YWHAQ: variants seen among roughly 807,000 people sequenced by gnomAD.
YWHAQ encodes 14-3-3 protein theta.
YWHAQ carries 6 observed loss-of-function variants against 28.3 expected under a neutral mutation model. The ratio of observed to expected loss-of-function variants is 0.21; its 90% CI spans 0.12 to 0.42. YWHAQ has a LOEUF of 0.42. Ranked by LOEUF, YWHAQ falls within the 10% of genes least tolerant of loss-of-function variation. The probability of loss-of-function intolerance (pLI) is 1.00; values close to 1 mark genes in which losing one functional copy is unlikely to be tolerated. For synonymous variants in YWHAQ, 143 were observed against 119.1 expected (o/e 1.20, Z -1.31); for missense variants, 201 against 305.6 (o/e 0.66, Z 2.55).
rs375565505 is a variant in YWHAQ, at chr2:9,600,710, AAAAAG to A, written c.295-9200_295-9196del. On this transcript the variant is annotated intron_variant, in intron 2 of 5. Coordinates refer to ENST00000238081, the MANE Select transcript of YWHAQ (RefSeq NM_006826.4). ...ACAAGAGCGAAACTCTGTCTCAAAA[AAAAAG>A]AAAAAAGAAAAAAGAAAAATCTTTT... Among the ~76,000 whole-genome samples the A allele has an allele frequency of 1.5e-3, 229 of 152,034 alleles. 1 individual carries two copies. Among genetic ancestry groups the A allele is most frequent in the African/African-American group, 5.4e-3 (222 of 41,336 alleles).
intron 2 of YWHAQ, among the ~76,000 whole-genome samples, chr2:9,606,421 A>G (rs1423506563): frequency 1.3e-5 from 2 of 152,158 alleles, no homozygotes; most frequent in Non-Finnish European, 1.5e-5. Flanking sequence ...AAATAAAAAT[A>G]AAAATAAAAA....
intron 2 of YWHAQ, among the ~76,000 whole-genome samples, chr2:9,622,266 A>G (rs1156240954): frequency 6.6e-6 from 1 of 151,180 alleles, no homozygotes; most frequent in East Asian, 1.9e-4. Flanking sequence ...ATTATTCCTG[A>G]TTTTTTTTCC....
intron 2 of YWHAQ, among the ~76,000 whole-genome samples, chr2:9,622,925 G>A (rs1479205205): frequency 6.6e-6 from 1 of 152,168 alleles, no homozygotes; most frequent in African/African-American, 2.4e-5. Context: ...CTGATATCCA[G>A]AAAGTCAGTG....
chr2:9,606,395 G>A (rs368466745), intron 2 of YWHAQ, among the ~76,000 whole-genome samples: 8 of 146,114 alleles, frequency 5.5e-5, no homozygotes, highest in African/African-American at 1.3e-4. Flanking sequence ...GTGAAACCCC[G>A]TCTCTACTAA....
rs1344524376 is a variant in YWHAQ at position 9,623,776 on chromosome 2, A to ATAAAT, written c.294+6382_294+6383insATTTA. Among the ~76,000 whole-genome samples, 1,129 of 152,014 alleles carry ATAAAT rather than the reference A, an allele frequency of 7.4e-3. 12 individuals carry two copies. The highest frequency in any genetic ancestry group is 0.025 in the African/African-American group (1,037 of 41,488). ...AACAAGAGCAAAACTCTGTCTCAAC[A>ATAAAT]AAATAAATAAATAAATAAATAAAAT... is the stretch of plus-strand genomic sequence containing the variant. On this transcript the variant is annotated intron_variant, in intron 2 of 5. Transcript: ENST00000238081.
At chr2:9,610,470 G>T (rs1183495842) in intron 2 of YWHAQ, among the ~76,000 whole-genome samples, 1 of 152,062 alleles carries the variant, frequency 6.6e-6, no homozygotes, top group Non-Finnish European at 1.5e-5. Context: ...AAGTGCCTCC[G>T]ACATATATTA....
At chr2:9,604,405 G>A (rs1666776585) in intron 2 of YWHAQ, among the ~76,000 whole-genome samples, 1 of 152,104 alleles carries the variant, frequency 6.6e-6, no homozygotes, top group Admixed American at 6.5e-5. Context: ...TATTCACTAT[G>A]AATTATATTT....
At position 9,613,370 on chromosome 2, in the gene YWHAQ, CAAT is replaced by C. The variant is rs551921787; in HGVS notation, c.294+16786_294+16788del. Among the ~76,000 whole-genome samples the C allele has an allele frequency of 9.9e-4, 151 of 152,232 alleles. 1 individual carries two copies. Among genetic ancestry groups the C allele is most frequent in the African/African-American group, 3.3e-3 (138 of 41,546 alleles). The stretch of plus-strand genomic sequence containing the variant: ...TGCCAAATTAATGTCATGAATTAAA[CAAT>C]AAGTTGTCATGATGTCAGAGAATAT... On this transcript the variant is annotated intron_variant, in intron 2 of 5. Transcript: ENST00000238081.
chr2:9,595,129 C>A (rs914826155), intron 2 of YWHAQ, among the ~76,000 whole-genome samples: 13 of 152,288 alleles, frequency 8.5e-5, no homozygotes, highest in African/African-American at 3.1e-4. Context: ...ATGCCACTAG[C>A]TCTCTGTGAA....
rs1666317727 is a variant in YWHAQ at position 9,585,170 on chromosome 2, A to AT, written c.*115_*116insA. 8.8e-7 allele frequency: 1 copy of AT among 1,133,012 alleles called. No individual in the cohort carries two copies. The highest frequency in any genetic ancestry group is 1.3e-5 in the South Asian group (1 of 74,266). The allele number at this position is 1,133,012 out of a possible 1,614,324, so 70.2% of individuals were successfully genotyped here. A position where few individuals can be genotyped will look rare whatever the true frequency, so the allele number is the denominator to read the frequency against. On this transcript the variant is annotated 3_prime_UTR_variant, in exon 6 of 6. Coordinates refer to ENST00000238081, the MANE Select transcript of YWHAQ (RefSeq NM_006826.4). ...GCTGCAGTGTGAAAAGACTATAAAC[A>AT]GTTGATTCCATACACATGAATGGGT...
chr2:9,609,432 T>C lies in YWHAQ; in HGVS notation c.295-17917A>G, dbSNP rs964305987. On this transcript the variant is annotated intron_variant, in intron 2 of 5. Transcript: ENST00000238081. ...AAGTGGAAAAATTATAAGATGCGAA[T>C]AGAAAGAGAAGGTCTAAGGTAATAG... 4.6e-5 allele frequency among the ~76,000 whole-genome samples: 7 copies of C among 151,932 alleles called. No homozygotes were observed. In the East Asian group the frequency reaches 1.4e-3, roughly 29 times the overall value.
chr2:9,589,892 G>A (rs1468002791), intron 3 of YWHAQ, among the ~76,000 whole-genome samples: 2 of 152,120 alleles, frequency 1.3e-5, no homozygotes, highest in Non-Finnish European at 2.9e-5. Context: ...TGAGGCCACT[G>A]GCCTATTACA....
At chr2:9,611,252 TTC>T (rs1666943034) in intron 2 of YWHAQ, among the ~76,000 whole-genome samples, 1 of 152,204 alleles carries the variant, frequency 6.6e-6, no homozygotes, top group African/African-American at 2.4e-5. Flanking sequence ...CATCCAACTC[TTC>T]TCTGTCATAC....
At chr2:9,629,795 T>G (rs1667323976) in intron 2 of YWHAQ, among the ~76,000 whole-genome samples, 1 of 152,236 alleles carries the variant, frequency 6.6e-6, no homozygotes, top group African/African-American at 2.4e-5. Flanking sequence ...TTCAACTGCC[T>G]GAAGCTTGTG....
chr2:9,589,991 T>C (rs1049473885), intron 3 of YWHAQ, among the ~76,000 whole-genome samples: 8 of 152,256 alleles, frequency 5.3e-5, no homozygotes, highest in Admixed American at 3.9e-4. Flanking sequence ...GGCACATTTA[T>C]TGATCTAATC....
chr2:9,603,744 T>C (rs1212960114), intron 2 of YWHAQ, among the ~76,000 whole-genome samples: 1 of 151,558 alleles, frequency 6.6e-6, no homozygotes, highest in African/African-American at 2.4e-5. Context: ...GCTAGCATGG[T>C]GAAACTCCCC....
intron 2 of YWHAQ, among the ~76,000 whole-genome samples, chr2:9,599,286 G>C (rs924048527): frequency 6.6e-6 from 1 of 152,192 alleles, no homozygotes; most frequent in African/African-American, 2.4e-5. Flanking sequence ...AGTACAAGCT[G>C]AAGGTACAAG....
intron 3 of YWHAQ, among the ~76,000 whole-genome samples, chr2:9,590,797 A>G (rs1045894778): frequency 1.3e-5 from 2 of 152,284 alleles, no homozygotes; most frequent in African/African-American, 4.8e-5. Context: ...TGTATATTCA[A>G]CCTTCTCAAG....
chr2:9,624,840 C>A (rs1464444910), intron 2 of YWHAQ, among the ~76,000 whole-genome samples: 1 of 151,740 alleles, frequency 6.6e-6, no homozygotes, highest in Non-Finnish European at 1.5e-5. Context: ...TCTGTCTCCC[C>A]GATTGTAGCA....
Sources: allele counts gnomAD v4.1 joint callset (sites outside exome capture counted in the v4.1 genomes callset), GRCh38; gene constraint gnomAD v4.1.1; transcripts MANE v1.5; gene names NCBI Gene and HGNC (gene_info 2026-07-23, HGNC 2026-07-21).